The following UVRAG variants were observed in gnomAD, a reference collection of about 807,000 sequenced individuals.
UVRAG encodes the protein UV radiation resistance-associated gene protein.
UVRAG carries 19 observed loss-of-function variants against 78.0 expected under a neutral mutation model. That is an observed-to-expected ratio of 0.24 (90% CI 0.17 to 0.36). The LOEUF is 0.36. Ranked by LOEUF, UVRAG falls within the 10% of genes least tolerant of loss-of-function variation. The probability of loss-of-function intolerance (pLI) is 1.00; values close to 1 mark genes in which losing one functional copy is unlikely to be tolerated. For missense variants in UVRAG, 740 were observed against 853.8 expected, an observed-to-expected ratio of 0.87 and a Z score of 1.66; for synonymous variants, 323 against 324.6, an observed-to-expected ratio of 1.00 and a Z score of 0.05.
chr11:75,861,635 T>A, intron 2 of UVRAG, 111 bp from the exon 3 acceptor site: 1 of 692,406 alleles, frequency 1.4e-6, no homozygotes. Context: ...CCCTTGAAAA[T>A]ATTTTAAATG....
At chr11:75,961,155 T>C (rs1948902508) in intron 6 of UVRAG, among the ~76,000 whole-genome samples, 1 of 152,156 alleles carries the variant, frequency 6.6e-6, no homozygotes, top group South Asian at 2.1e-4. Flanking sequence ...AATGATAGGA[T>C]TTTACTATAT....
At chr11:75,854,123 A>G (rs1325112464) in intron 2 of UVRAG, among the ~76,000 whole-genome samples, 6 of 152,174 alleles carry the variant, frequency 3.9e-5, no homozygotes, top group Non-Finnish European at 8.8e-5. Flanking sequence ...GATTAATGCT[A>G]GCTATTGTAA....
intron 14 of UVRAG, among the ~76,000 whole-genome samples, chr11:76,133,147 T>C (rs1419647129): frequency 2.0e-5 from 3 of 152,206 alleles, no homozygotes; most frequent in Non-Finnish European, 2.9e-5. Context: ...TTAGTTGCCG[T>C]TTTATTATTA....
In UVRAG at chr11:75,935,209, A is replaced by G. The variant is rs866555723; in HGVS notation, c.593+23170A>G. 3.3e-5 allele frequency among the ~76,000 whole-genome samples: 5 copies of G among 152,238 alleles called. 1 individual carries two copies. In the South Asian group the frequency reaches 6.2e-4, roughly 19 times the overall value. Reference sequence around the variant, plus strand: ...CATTGAGGATATATTCCTATCCAAAATGGTTAAATTTTGAAATATTGTTCA... The same window carrying G: ...CATTGAGGATATATTCCTATCCAAAGTGGTTAAATTTTGAAATATTGTTCA... On this transcript the variant is annotated intron_variant, in intron 6 of 14. Transcript: ENST00000356136.
intron 5 of UVRAG, chr11:75,911,307 G>A: frequency 5.9e-6 from 1 of 168,870 alleles, no homozygotes; most frequent in Non-Finnish European, 1.3e-5. Flanking sequence ...GATTCTGCAG[G>A]CTCTTGTGCT....
chr11:76,108,168 G>A (rs1306612885), intron 13 of UVRAG, among the ~76,000 whole-genome samples: 1 of 152,126 alleles, frequency 6.6e-6, no homozygotes, highest in African/African-American at 2.4e-5. Context: ...TTGTGTGAAT[G>A]AATACAGTTT....
At chr11:76,085,715 A>G (rs11600814) in intron 13 of UVRAG, among the ~76,000 whole-genome samples, 4,228 of 152,280 alleles carry the variant, frequency 0.028, 85 homozygotes, top group Non-Finnish European at 0.039. Context: ...CTTGTCTGCT[A>G]CAGGGGAAAC....
chr11:76,016,381 T>C (rs1333188133), intron 11 of UVRAG, among the ~76,000 whole-genome samples: 1 of 152,166 alleles, frequency 6.6e-6, no homozygotes, highest in Non-Finnish European at 1.5e-5. Flanking sequence ...TGTTGTAAAA[T>C]AGTACAACTA....
chr11:76,017,132 A>G (rs1950163017), intron 12 of UVRAG, 152 bp downstream of exon 12: 1 of 532,098 alleles, frequency 1.9e-6, no homozygotes. Flanking sequence ...TGTAGTTATT[A>G]TGTGAAACTA....
At chr11:76,041,561 T>TAAC in intron 12 of UVRAG, among the ~76,000 whole-genome samples, 1 of 152,346 alleles carries the variant, frequency 6.6e-6, no homozygotes, top group South Asian at 2.1e-4. Context: ...TTACTGTGTC[T>TAAC]AACACCATGC....
chr11:76,120,111 G>GT (rs1309926337), intron 14 of UVRAG, among the ~76,000 whole-genome samples: 10 of 152,294 alleles, frequency 6.6e-5, no homozygotes, highest in African/African-American at 2.4e-4. Flanking sequence ...AGAGGGAATA[G>GT]TTTAAGAAAA....
chr11:75,994,185 T>C (rs1949663422), intron 8 of UVRAG, among the ~76,000 whole-genome samples: 1 of 152,240 alleles, frequency 6.6e-6, no homozygotes, highest in African/African-American at 2.4e-5. Context: ...GTATTAACTT[T>C]ATAAAAGGAG....
intron 7 of UVRAG, among the ~76,000 whole-genome samples, chr11:75,974,354 T>C (rs1477850232): frequency 1.7e-4 from 22 of 127,562 alleles, no homozygotes; most frequent in Non-Finnish European, 2.6e-4. Flanking sequence ...ATGTCTTCTT[T>C]TTTTTTTTTT....
chr11:75,927,391 A>G (rs1262817929), intron 6 of UVRAG, among the ~76,000 whole-genome samples: 1 of 152,158 alleles, frequency 6.6e-6, no homozygotes, highest in Non-Finnish European at 1.5e-5. Flanking sequence ...TGGAAGTGAA[A>G]AAGTATATAG....
At chr11:76,094,492 CT>C (rs1270287816) in intron 13 of UVRAG, among the ~76,000 whole-genome samples, 1 of 152,022 alleles carries the variant, frequency 6.6e-6, no homozygotes, top group African/African-American at 2.4e-5. Flanking sequence ...TGGTCCTGGA[CT>C]TTTTTTGGTT....
At position 75,975,792 on chromosome 11, in the gene UVRAG, T is replaced by C. The variant is rs1362774691; in HGVS notation, c.700-7595T>C. Reference sequence around the variant, plus strand: ...CTGAGATGATGGGGTTTTCTAAATATACAATCATGTCATCTGCAAACAGGG... The same window carrying C: ...CTGAGATGATGGGGTTTTCTAAATACACAATCATGTCATCTGCAAACAGGG... On this transcript the variant is annotated intron_variant, in intron 7 of 14. Coordinates refer to ENST00000356136, the MANE Select transcript of UVRAG (RefSeq NM_003369.4). Among the ~76,000 whole-genome samples, 5 of 152,224 alleles carry C rather than the reference T, an allele frequency of 3.3e-5. 1 individual carries two copies. The highest frequency in any genetic ancestry group is 2.0e-4 in the Admixed American group (3 of 15,284).
chr11:75,836,459 C>T (rs1022555901), intron 1 of UVRAG, among the ~76,000 whole-genome samples: 6 of 152,178 alleles, frequency 3.9e-5, no homozygotes, highest in Admixed American at 2.0e-4. Context: ...ACCATGTATT[C>T]GCTTCCCAGA....
At chr11:76,019,693 C>G (rs1401650777) in intron 12 of UVRAG, among the ~76,000 whole-genome samples, 1 of 152,258 alleles carries the variant, frequency 6.6e-6, no homozygotes, top group Non-Finnish European at 1.5e-5. Flanking sequence ...CAGTCTCTCT[C>G]TCTATGCTGA....
chr11:75,960,065 T>C (rs574617883), intron 6 of UVRAG, among the ~76,000 whole-genome samples: 3 of 152,222 alleles, frequency 2.0e-5, no homozygotes, highest in Admixed American at 2.0e-4. Context: ...CCATAACAGA[T>C]ATAATAATAA....
Sources: gnomAD v4.1 joint callset for allele counts (sites outside exome capture counted in the v4.1 genomes callset) on GRCh38, gnomAD v4.1.1 for gene constraint, MANE v1.5 for transcripts, NCBI Gene and HGNC (gene_info 2026-07-23, HGNC 2026-07-21) for gene names.